Variants in WDR43 observed in about 807,000 individuals in gnomAD.
WDR43 encodes WD repeat-containing protein 43.
WDR43 carries 13 observed loss-of-function variants against 91.4 expected under a neutral mutation model. The ratio of observed to expected loss-of-function variants is 0.14; its 90% confidence interval spans 0.09 to 0.23. The LOEUF is 0.23. Among genes scored for constraint, WDR43 ranks in the 10% least tolerant of loss-of-function variants. The probability of loss-of-function intolerance (pLI) is 1.00; values close to 1 mark genes in which losing one functional copy is unlikely to be tolerated. For missense variants in WDR43, 780 were observed against 809.4 expected, an observed-to-expected ratio of 0.96 and a Z score of 0.44; for synonymous variants, 331 against 287.9, an observed-to-expected ratio of 1.15 and a Z score of -1.51.
chr2:28,914,155 T>G lies in WDR43; in HGVS notation c.693T>G (p.Ile231Met). 6.2e-7 allele frequency: 1 copy of G among 1,613,978 alleles called. No homozygotes were observed. Among genetic ancestry groups the G allele is most frequent in the East Asian group, 2.2e-5 (1 of 44,872 alleles). Residue 231 changes from isoleucine to methionine, a missense_variant, in exon 5 of 18, where the codon ATT becomes ATG. Transcript: ENST00000407426. ...PPNESQPFDG[I>M]TGLYFLSGAV... ...ATGAGAGCCAGCCCTTTGATGGAAT[T>G]ACAGGTCTTTATTTCTTATCTGGAG...
chr2:28,912,547 T>C (rs1670821625), intron 3 of WDR43, 43 bp from the exon 4 acceptor site: 1 of 1,587,254 alleles, frequency 6.3e-7, no homozygotes, highest in Admixed American at 1.9e-5. Flanking sequence ...AGTAAAGTTT[T>C]CTCTCATGTA....
intron 3 of WDR43, among the ~76,000 whole-genome samples, chr2:28,911,126 CA>C (rs1489463418): frequency 2.0e-5 from 3 of 151,802 alleles, no homozygotes; most frequent in Non-Finnish European, 4.4e-5. Flanking sequence ...TTCTTAACCC[CA>C]GGATTATAAA....
chr2:28,929,492 T>A, intron 10 of WDR43, 87 bp from the exon 11 acceptor site: 1 of 1,164,004 alleles, frequency 8.6e-7, no homozygotes, highest in Non-Finnish European at 1.1e-6. Context: ...GTAAATCTAT[T>A]TTATTTTATT....
At chr2:28,921,580 C>T (rs1247569810) in intron 6 of WDR43, among the ~76,000 whole-genome samples, 1 of 152,136 alleles carries the variant, frequency 6.6e-6, no homozygotes, top group African/African-American at 2.4e-5. Context: ...GAATAATCTG[C>T]TTATTTTATT....
chr2:28,902,420 C>G (rs887282734), intron 2 of WDR43, among the ~76,000 whole-genome samples: 1 of 152,216 alleles, frequency 6.6e-6, no homozygotes, highest in Non-Finnish European at 1.5e-5. Context: ...CTCCCCACCT[C>G]TTGACCTAGG....
chr2:28,922,010 C>T (rs1295179181), intron 6 of WDR43, among the ~76,000 whole-genome samples: 1 of 152,170 alleles, frequency 6.6e-6, no homozygotes, highest in Admixed American at 6.5e-5. Flanking sequence ...GTGTCTGGCC[C>T]TCCCCTGACA....
intron 10 of WDR43, 91 bp from the exon 11 acceptor site, chr2:28,929,488 C>CTATTT (rs971262608): frequency 7.5e-5 from 86 of 1,148,254 alleles, no homozygotes; most frequent in East Asian, 9.1e-5. Flanking sequence ...AGGTGTAAAT[C>CTATTT]TATTTTATTT....
chr2:28,898,837 C>A (rs757021472), intron 1 of WDR43, among the ~76,000 whole-genome samples: 2 of 152,102 alleles, frequency 1.3e-5, no homozygotes, highest in African/African-American at 4.8e-5. Context: ...GGATTTTAGT[C>A]TAAAAAGTCA....
chr2:28,922,802 T>TTTG lies in WDR43; in HGVS notation c.850-115_850-114insGTT, dbSNP rs1484627057. 2.0e-5 allele frequency: 8 copies of TTTG among 404,878 alleles called. No individual in the cohort carries two copies. In the South Asian group the frequency reaches 4.3e-4, roughly 22 times the overall value. The allele number at this position is 404,878 out of a possible 1,614,324, so 25.1% of individuals were successfully genotyped here. ...TTTAAATGGATTCTTGCTGTGTTTT[T>TTTG]TTTTTTTTTTTTCTGGTTGTGTAAT... On this transcript the variant is annotated intron_variant, in intron 6 of 17. Transcript: ENST00000407426.
chr2:28,900,594 A>G (rs529530575), intron 1 of WDR43, among the ~76,000 whole-genome samples: 1 of 152,326 alleles, frequency 6.6e-6, no homozygotes, highest in East Asian at 1.9e-4. Flanking sequence ...ATAACCTTAT[A>G]CAGAAATTAT....
intron 3 of WDR43, among the ~76,000 whole-genome samples, chr2:28,911,781 GC>G (rs1558372084): frequency 6.6e-6 from 1 of 151,854 alleles, no homozygotes; most frequent in Admixed American, 6.6e-5. Context: ...ACTACACCAT[GC>G]CTGGCTAATT....
At chr2:28,895,313 C>CT (rs1244565641) in intron 1 of WDR43, 1 of 177,790 alleles carries the variant, frequency 5.6e-6, no homozygotes, top group Non-Finnish European at 1.2e-5. Flanking sequence ...TAACTTTCCT[C>CT]TGTCTGTGAT....
In WDR43 at chr2:28,894,670, C is replaced by T. The variant is rs956172701; in HGVS notation, c.-29C>T. On this transcript the variant is annotated 5_prime_UTR_variant, in exon 1 of 18. Coordinates refer to ENST00000407426, the MANE Select transcript of WDR43 (RefSeq NM_015131.3). ...GCCGGTGCGCCTGCGCACGGACGAA[C>T]ACGTGGCTGCAGCGGGGCCAGAGCA... 2 of 1,526,952 alleles carry T rather than the reference C, an allele frequency of 1.3e-6. No individual in the cohort carries two copies. Among genetic ancestry groups the T allele is most frequent in the African/African-American group, 2.8e-5 (2 of 72,408 alleles). The allele number at this position is 1,526,952 out of a possible 1,614,324, so 94.6% of individuals were successfully genotyped here.
At chr2:28,900,037 C>G (rs1397866983) in intron 1 of WDR43, among the ~76,000 whole-genome samples, 1 of 152,072 alleles carries the variant, frequency 6.6e-6, no homozygotes, top group African/African-American at 2.4e-5. Flanking sequence ...ATGTAAATTT[C>G]TAAAATTTCT....
At chr2:28,897,856 G>A (rs1485129811) in intron 1 of WDR43, among the ~76,000 whole-genome samples, 5 of 152,284 alleles carry the variant, frequency 3.3e-5, no homozygotes, top group Middle Eastern at 3.4e-3. Flanking sequence ...AGTTTTTAGA[G>A]GGTTTTTGTA....
chr2:28,902,187 TAAAA>T, intron 2 of WDR43, 63 bp downstream of exon 2: 3 of 1,343,976 alleles, frequency 2.2e-6, no homozygotes, highest in Non-Finnish European at 3.0e-6. Flanking sequence ...TAGAGATTAT[TAAAA>T]AAAAAACACT....
chr2:28,927,651 C>G lies in WDR43; in HGVS notation c.1256C>G (p.Pro419Arg), dbSNP rs773052466. 1 of 1,613,930 alleles carries G rather than the reference C, an allele frequency of 6.2e-7. No homozygotes were observed. Among genetic ancestry groups the G allele is most frequent in the South Asian group, 1.1e-5 (1 of 91,080 alleles). Residue 419 changes from proline (P) to arginine (R), a missense_variant, in exon 10 of 18, where the codon CCT (proline) becomes CGT (arginine). This residue lies in a region of WDR43 where 426 missense variants were observed against 467.8 expected (regional missense o/e 0.91). Coordinates refer to ENST00000407426, the MANE Select transcript of WDR43 (RefSeq NM_015131.3). ...PGHHAAIKPA[P>R]PQTEQVESKR... ...CATCATGCAGCTATCAAGCCCGCTCCTCCACAAACCGAGCAAGTAGAGAGC... is the reference window on the plus strand; with the variant it reads ...CATCATGCAGCTATCAAGCCCGCTCGTCCACAAACCGAGCAAGTAGAGAGC...
intron 16 of WDR43, among the ~76,000 whole-genome samples, chr2:28,942,659 G>A (rs559790807): frequency 4.6e-4 from 68 of 146,564 alleles, no homozygotes; most frequent in Non-Finnish European, 7.7e-4. Context: ...CTGTTGCCTA[G>A]GTTGTAGTGC....
chr2:28,939,608 A>G (rs1191919479), intron 14 of WDR43, among the ~76,000 whole-genome samples: 1 of 152,202 alleles, frequency 6.6e-6, no homozygotes, highest in Admixed American at 6.5e-5. Flanking sequence ...GGGATTCAGC[A>G]ATGTACCAAA....
Sources: allele counts gnomAD v4.1 joint callset (sites outside exome capture counted in the v4.1 genomes callset), GRCh38; gene constraint gnomAD v4.1.1; regional missense constraint gnomAD v4.1.1; transcripts MANE v1.5; gene names NCBI Gene and HGNC (gene_info 2026-07-23, HGNC 2026-07-21).